Variants in SLC12A2 observed in about 807,000 individuals in gnomAD.
SLC12A2 encodes solute carrier family 12 member 2, also known as Na-K-2Cl cotransporter 1.
SLC12A2 carries 67 observed loss-of-function variants against 136.3 expected under a neutral mutation model. That is an observed-to-expected ratio of 0.49 (90% CI 0.40 to 0.60). SLC12A2 has a LOEUF of 0.60. Among genes scored for constraint, SLC12A2 ranks in the 20% least tolerant of loss-of-function variants. SLC12A2 has a pLI of 0.00. For synonymous variants in SLC12A2, 619 were observed against 562.9 expected, an observed-to-expected ratio of 1.10 and a Z score of -1.41; for missense variants, 1,322 against 1,534.7, an observed-to-expected ratio of 0.86 and a Z score of 2.32.
intron 1 of SLC12A2, chr5:128,110,327 G>A: frequency 1.1e-6 from 1 of 904,186 alleles, no homozygotes; most frequent in South Asian, 1.3e-5. Context: ...TAGAAACCAT[G>A]GGCTGGGTAA....
chr5:128,086,653 A>G (rs567351957), intron 1 of SLC12A2, among the ~76,000 whole-genome samples: 1 of 152,332 alleles, frequency 6.6e-6, no homozygotes, highest in South Asian at 2.1e-4. Context: ...TCTGCCACTC[A>G]TAATCTTTAT....
chr5:128,134,498 T>G (rs1340427240), intron 6 of SLC12A2, among the ~76,000 whole-genome samples: 1 of 152,042 alleles, frequency 6.6e-6, no homozygotes, highest in African/African-American at 2.4e-5. Flanking sequence ...ACTTTGTAAA[T>G]TTTGAATTTC....
chr5:128,097,584 G>A (rs1053271109), intron 1 of SLC12A2, among the ~76,000 whole-genome samples: 2 of 151,726 alleles, frequency 1.3e-5, no homozygotes, highest in African/African-American at 2.4e-5. Flanking sequence ...TAATTCTTCT[G>A]TTGAATTTCT....
chr5:128,105,343 G>C (rs73784511), intron 1 of SLC12A2, among the ~76,000 whole-genome samples: 3,281 of 152,256 alleles, frequency 0.022, 111 homozygotes, highest in African/African-American at 0.075. Context: ...AGCAAGGGAG[G>C]GGGGTATAGG....
rs1762693872 is a variant in SLC12A2, at chr5:128,151,320, C to T, written c.2187C>T (p.Val729=). 1 of 1,612,568 alleles carries T rather than the reference C, an allele frequency of 6.2e-7. No individual in the cohort carries two copies. The change falls in exon 14 of 27, where the codon GTC becomes GTT. Residue 729 remains valine (V), a synonymous_variant. Transcript: ENST00000262461. ...GAILCCIVMF[V]INWWAALLTY... ...TTCTTTGTTGCATAGTAATGTTCGT[C>T]ATTAACTGGTGGGCTGCATTGCTAA...
At chr5:128,165,872 C>A (rs919125777) in intron 17 of SLC12A2, among the ~76,000 whole-genome samples, 6 of 136,308 alleles carry the variant, frequency 4.4e-5, no homozygotes, top group Non-Finnish European at 9.4e-5. Context: ...TGGCTTAGTT[C>A]TTTAAAAAGC....
chr5:128,110,638 A>T, intron 1 of SLC12A2: 1 of 1,104,028 alleles, frequency 9.1e-7, no homozygotes, highest in Non-Finnish European at 1.4e-6. Context: ...AGTTAGTGAC[A>T]GTGTTGTGCT....
At chr5:128,116,764 C>T (rs943295383) in intron 4 of SLC12A2, among the ~76,000 whole-genome samples, 2 of 152,140 alleles carry the variant, frequency 1.3e-5, no homozygotes, top group East Asian at 3.8e-4. Flanking sequence ...TGACTTTGGA[C>T]AGCTGGATGG....
At position 128,083,985 on chromosome 5, in the gene SLC12A2, G is replaced by A. The variant is rs1759927162; in HGVS notation, c.31G>A (p.Gly11Ser). 3.2e-6 allele frequency: 4 copies of A among 1,242,438 alleles called. No homozygotes were observed. Among genetic ancestry groups the A allele is most frequent in the East Asian group, 3.2e-5 (1 of 30,954 alleles). The allele number at this position is 1,242,438 out of a possible 1,614,324, so 77.0% of individuals were successfully genotyped here. Residue 11 changes from glycine (G) to serine (S), a missense_variant, in exon 1 of 27, where the codon GGC (glycine) becomes AGC (serine). Around this residue, in one of 8 missense-constraint regions of SLC12A2, gnomAD observed 358 missense variants for 299.7 expected, o/e 1.19. Coordinates refer to ENST00000262461, the MANE Select transcript of SLC12A2 (RefSeq NM_001046.3). MEPRPTAPSS[G>S]APGLAGVGET... ...GCCGCGGCCCACGGCGCCCTCCTCC[G>A]GCGCCCCGGGACTGGCCGGGGTCGG...
At chr5:128,102,090 C>A (rs1338849394) in intron 1 of SLC12A2, among the ~76,000 whole-genome samples, 1 of 151,904 alleles carries the variant, frequency 6.6e-6, no homozygotes, top group African/African-American at 2.4e-5. Flanking sequence ...TGGGCAGTTG[C>A]AATAGTAGAT....
rs571929033 is a variant in SLC12A2, at chr5:128,125,538, A to T, written c.1049-5529A>T. Among the ~76,000 whole-genome samples the T allele has an allele frequency of 9.2e-5, 14 of 152,276 alleles. No homozygotes were observed. In the South Asian group the frequency reaches 2.7e-3, roughly 29 times the overall value. ...TACTGATTTGTAGATTTTTCTATATATCTAGTTATGTTATTCGGTTTGACA... is the reference window on the plus strand; with the variant it reads ...TACTGATTTGTAGATTTTTCTATATTTCTAGTTATGTTATTCGGTTTGACA... On this transcript the variant is annotated intron_variant, in intron 4 of 26. Coordinates refer to ENST00000262461, the MANE Select transcript of SLC12A2 (RefSeq NM_001046.3).
chr5:128,139,494 T>G (rs1456737228), intron 9 of SLC12A2, among the ~76,000 whole-genome samples: 2 of 152,206 alleles, frequency 1.3e-5, no homozygotes, highest in Non-Finnish European at 2.9e-5. Flanking sequence ...TGGGATCAAC[T>G]TGAAAGGACT....
chr5:128,110,293 T>C, intron 1 of SLC12A2: 1 of 820,086 alleles, frequency 1.2e-6, no homozygotes, highest in Non-Finnish European at 2.2e-6. Flanking sequence ...TCGTGATGCC[T>C]ACCTACGACT....
intron 15 of SLC12A2, among the ~76,000 whole-genome samples, chr5:128,156,815 G>A (rs963641969): frequency 1.3e-5 from 2 of 152,110 alleles, no homozygotes; most frequent in African/African-American, 4.8e-5. Flanking sequence ...CTGGAAAGGG[G>A]GAAGAATGTA....
chr5:128,118,546 T>C (rs1761438390), intron 4 of SLC12A2, among the ~76,000 whole-genome samples: 1 of 152,090 alleles, frequency 6.6e-6, no homozygotes, highest in Admixed American at 6.6e-5. Flanking sequence ...AAGAATGATA[T>C]AATAGACTTT....
intron 13 of SLC12A2, among the ~76,000 whole-genome samples, chr5:128,150,494 T>A (rs1762667347): frequency 6.6e-6 from 1 of 151,818 alleles, no homozygotes; most frequent in Non-Finnish European, 1.5e-5. Flanking sequence ...ATTTTAATTT[T>A]AAAAAAGGAA....
chr5:128,115,574 G>A (rs975576900), intron 4 of SLC12A2, among the ~76,000 whole-genome samples: 2 of 152,176 alleles, frequency 1.3e-5, no homozygotes, highest in Non-Finnish European at 2.9e-5. Context: ...CAGGATCCCT[G>A]AAAACAAGAA....
chr5:128,085,834 G>T (rs1342336779), intron 1 of SLC12A2, among the ~76,000 whole-genome samples: 4 of 152,174 alleles, frequency 2.6e-5, no homozygotes, highest in African/African-American at 9.7e-5. Flanking sequence ...TCACACAGAG[G>T]TAATTACAGA....
At chr5:128,098,496 T>G (rs1436840195) in intron 1 of SLC12A2, among the ~76,000 whole-genome samples, 2 of 150,390 alleles carry the variant, frequency 1.3e-5, no homozygotes, top group African/African-American at 2.4e-5. Context: ...GTTTTTTTTG[T>G]TTTTTTTTCT....
Sources: allele counts gnomAD v4.1 joint callset (sites outside exome capture counted in the v4.1 genomes callset), GRCh38; gene constraint gnomAD v4.1.1; regional missense constraint gnomAD v4.1.1; transcripts MANE v1.5; gene names NCBI Gene and HGNC (gene_info 2026-07-23, HGNC 2026-07-21).